Variants in PRLHR observed in about 807,000 individuals in gnomAD.
PRLHR encodes the protein prolactin-releasing peptide receptor.
A neutral mutation model predicts 9.3 loss-of-function variants in PRLHR; 10 were observed. The ratio of observed to expected loss-of-function variants is 1.08; its 90% confidence interval spans 0.66 to 1.82. The LOEUF is 1.82. Among genes scored for constraint, PRLHR ranks in the 40% most tolerant of loss-of-function variants. The pLI is 0.00. For synonymous variants in PRLHR, 261 were observed against 249.3 expected (o/e 1.05, Z -0.44); for missense variants, 589 against 512.0 (o/e 1.15, Z -1.45).
chr10:118,594,725 G>T lies in PRLHR; in HGVS notation c.520C>A (p.Arg174Ser), dbSNP rs1443815553. The T allele has an allele frequency of 3.1e-6, 5 of 1,603,334 alleles. No homozygotes were observed. In the African/African-American group the frequency reaches 4.0e-5, roughly 13 times the overall value. The change falls in exon 2 of 2, where the codon CGC (arginine) becomes AGC (serine). Residue 174 changes from arginine to serine, a missense_variant. Transcript: ENST00000239032. ...GCCAGCACAGCGTAGGCGCTGAGGCGCAGCGAGATGCGCCGCCTCAGCGGG... is the reference window on the plus strand; with the variant it reads ...GCCAGCACAGCGTAGGCGCTGAGGCTCAGCGAGATGCGCCGCCTCAGCGGG... ...VHPLRRRISLRLSAYAVLAIW... is the reference protein window; with the variant it reads ...VHPLRRRISLSLSAYAVLAIW...
Position 118,593,506 on chromosome 10 carries a change from A to T in PRLHR, c.*626T>A, listed in dbSNP as rs1844450918. 1 of 152,230 alleles carries T rather than the reference A, an allele frequency of 6.6e-6. No individual in the cohort carries two copies. The highest frequency in any genetic ancestry group is 1.5e-5 in the Non-Finnish European group (1 of 68,046). The allele number at this position is 152,230 out of a possible 1,614,324, so 9.4% of individuals were successfully genotyped here. Reference sequence around the variant, plus strand: ...GGAGAAACAATAGCAAGACCTTTCTAAAGGGAGCTTGTAGGTGTTTTTGTA... The same window carrying T: ...GGAGAAACAATAGCAAGACCTTTCTTAAGGGAGCTTGTAGGTGTTTTTGTA... On this transcript the variant is annotated 3_prime_UTR_variant, in exon 2 of 2. Coordinates refer to ENST00000239032, the MANE Select transcript of PRLHR (RefSeq NM_004248.3).
rs1349563344 is a variant in PRLHR at position 118,593,969 on chromosome 10, A to C, written c.*163T>G. The C allele has an allele frequency of 4.9e-5, 58 of 1,188,724 alleles. No homozygotes were observed. In the Admixed American group the frequency reaches 2.0e-3, roughly 41 times the overall value. The allele number at this position is 1,188,724 out of a possible 1,614,324, so 73.6% of individuals were successfully genotyped here. On this transcript the variant is annotated 3_prime_UTR_variant, in exon 2 of 2. Coordinates refer to ENST00000239032, the MANE Select transcript of PRLHR (RefSeq NM_004248.3). Reference sequence around the variant, plus strand: ...CCCGCTTAACATTTTACAAACACACAAGGACAAGACAGACAGCCGGACAAG... The same window carrying C: ...CCCGCTTAACATTTTACAAACACACCAGGACAAGACAGACAGCCGGACAAG...
rs1399440697 is a variant in PRLHR, at chr10:118,595,382, A to C, written c.-6-132T>G. The C allele has an allele frequency of 8.7e-6, 7 of 800,278 alleles. No individual in the cohort carries two copies. In the African/African-American group the frequency reaches 1.2e-4, roughly 14 times the overall value. The allele number at this position is 800,278 out of a possible 1,614,324, so 49.6% of individuals were successfully genotyped here. A position where few individuals can be genotyped will look rare whatever the true frequency, so the allele number is the denominator to read the frequency against. ...CCGGCCACAGAACAACAGCAAAAGTAGCAAAAAGTGTTGTCCTCTCACCTC... is the reference window on the plus strand; with the variant it reads ...CCGGCCACAGAACAACAGCAAAAGTCGCAAAAAGTGTTGTCCTCTCACCTC... On this transcript the variant is annotated intron_variant, in intron 1 of 1. Transcript: ENST00000239032.
In PRLHR at chr10:118,594,040, G is replaced by A. The variant is rs1844455643; in HGVS notation, c.*92C>T. Reference sequence around the variant, plus strand: ...GCCCTATGTTGGCTTAGCTAGCTCTGGTGCTGAGAATAAGCACCAGATTGA... The same window carrying A: ...GCCCTATGTTGGCTTAGCTAGCTCTAGTGCTGAGAATAAGCACCAGATTGA... On this transcript the variant is annotated 3_prime_UTR_variant, in exon 2 of 2. Transcript: ENST00000239032. 2.7e-6 allele frequency: 4 copies of A among 1,479,408 alleles called. No individual in the cohort carries two copies. Among genetic ancestry groups the A allele is most frequent in the Admixed American group, 4.7e-5 (2 of 42,512 alleles). The allele number at this position is 1,479,408 out of a possible 1,614,324, so 91.6% of individuals were successfully genotyped here.
chr10:118,593,318 A>C lies in PRLHR; in HGVS notation c.*814T>G, dbSNP rs986996767. ...TGTGGCAAACACTGAATGTGTACCC[A>C]CACATACACACACATACACAAACAC... On this transcript the variant is annotated 3_prime_UTR_variant, in exon 2 of 2. Transcript: ENST00000239032. The C allele has an allele frequency of 6.6e-6, 1 of 152,244 alleles. No homozygotes were observed. Among genetic ancestry groups the C allele is most frequent in the African/African-American group, 2.4e-5 (1 of 41,456 alleles). The allele number at this position is 152,244 out of a possible 1,614,324, so 9.4% of individuals were successfully genotyped here. A position where few individuals can be genotyped will look rare whatever the true frequency, so the allele number is the denominator to read the frequency against.
rs1415947277 is a variant in PRLHR at position 118,591,179 on chromosome 10, A to G, written c.*2953T>C. On this transcript the variant is annotated 3_prime_UTR_variant, in exon 2 of 2. Coordinates refer to ENST00000239032, the MANE Select transcript of PRLHR (RefSeq NM_004248.3). ...GAGTGCAGTGGTGTAATGATAGCTC[A>G]CTGCAGCCCAGTGATCCTCCCAGGC... 2 of 152,092 alleles carry G rather than the reference A, an allele frequency of 1.3e-5. No individual in the cohort carries two copies. The highest frequency in any genetic ancestry group is 3.9e-4 in the East Asian group (2 of 5,192). 9.4% of individuals were successfully genotyped at this position (152,092 alleles called of 1,614,324 possible).
rs1844420963 is a variant in PRLHR, at chr10:118,590,229, G to A, written c.*3903C>T. 2 of 152,184 alleles carry A rather than the reference G, an allele frequency of 1.3e-5. No individual in the cohort carries two copies. The highest frequency in any genetic ancestry group is 6.5e-5 in the Admixed American group (1 of 15,280). The allele number at this position is 152,184 out of a possible 1,614,324, so 9.4% of individuals were successfully genotyped here. A position where few individuals can be genotyped will look rare whatever the true frequency, so the allele number is the denominator to read the frequency against. Reference sequence around the variant, plus strand: ...CTCCCAGATCTAGCCACACTCTTGAGGTTAGTTTTGTGCCTTGCATTTGAA... The same window carrying A: ...CTCCCAGATCTAGCCACACTCTTGAAGTTAGTTTTGTGCCTTGCATTTGAA... On this transcript the variant is annotated 3_prime_UTR_variant, in exon 2 of 2. Transcript: ENST00000239032.
chr10:118,593,967 A>C lies in PRLHR; in HGVS notation c.*165T>G, dbSNP rs1456567945. ...AGCCCGCTTAACATTTTACAAACACACAAGGACAAGACAGACAGCCGGACA... is the reference window on the plus strand; with the variant it reads ...AGCCCGCTTAACATTTTACAAACACCCAAGGACAAGACAGACAGCCGGACA... On this transcript the variant is annotated 3_prime_UTR_variant, in exon 2 of 2. Coordinates refer to ENST00000239032, the MANE Select transcript of PRLHR (RefSeq NM_004248.3). 8.5e-7 allele frequency: 1 copy of C among 1,181,172 alleles called. No individual in the cohort carries two copies. The highest frequency in any genetic ancestry group is 1.1e-6 in the Non-Finnish European group (1 of 913,590). 73.2% of individuals were successfully genotyped at this position (1,181,172 alleles called of 1,614,324 possible). A position where few individuals can be genotyped will look rare whatever the true frequency, so the allele number is the denominator to read the frequency against.
rs117647802 is a variant in PRLHR, at chr10:118,592,363, A to G, written c.*1769T>C. ...GTAATATAGCTGCTGGAAGCACAGG[A>G]GCCAGTCCTCGGGATGCCTGGGAGA... On this transcript the variant is annotated 3_prime_UTR_variant, in exon 2 of 2. Coordinates refer to ENST00000239032, the MANE Select transcript of PRLHR (RefSeq NM_004248.3). 6,170 of 152,356 alleles carry G rather than the reference A, an allele frequency of 0.04. 170 individuals carry two copies. The highest frequency in any genetic ancestry group is 0.064 in the South Asian group (308 of 4,830). 9.4% of individuals were successfully genotyped at this position (152,356 alleles called of 1,614,324 possible).
rs1374735129 is a variant in PRLHR, at chr10:118,594,843, G to A, written c.402C>T (p.Cys134=). 6.2e-7 allele frequency: 1 copy of A among 1,613,022 alleles called. No individual in the cohort carries two copies. The highest frequency in any genetic ancestry group is 8.5e-7 in the Non-Finnish European group (1 of 1,179,852). Residue 134 remains cysteine (C), a synonymous_variant, in exon 2 of 2, where the codon TGC becomes TGT. Coordinates refer to ENST00000239032, the MANE Select transcript of PRLHR (RefSeq NM_004248.3). The part of the protein sequence containing the change: ...PRGWVFGGGL[C]HLVFFLQPVT... ...CCGGCTGCAGGAAGAAGACCAGGTGGCACAGGCCGCCGCCGAACACCCAGC... is the reference window on the plus strand; with the variant it reads ...CCGGCTGCAGGAAGAAGACCAGGTGACACAGGCCGCCGCCGAACACCCAGC...
At position 118,594,537 on chromosome 10, in the gene PRLHR, G is replaced by C; in HGVS notation, c.708C>G (p.Leu236=). 1 of 1,571,290 alleles carries C rather than the reference G, an allele frequency of 6.4e-7. No individual in the cohort carries two copies. The highest frequency in any genetic ancestry group is 8.6e-7 in the Non-Finnish European group (1 of 1,158,808). ...AWGLLLVTYL[L]PLLVILLSYV... ...AAGACAGGAGGATGACCAGCAGAGGGAGCAGGTAGGTGACCAGCAGCAGCC... is the reference window on the plus strand; with the variant it reads ...AAGACAGGAGGATGACCAGCAGAGGCAGCAGGTAGGTGACCAGCAGCAGCC... Residue 236 remains leucine, a synonymous_variant, in exon 2 of 2, where the codon CTC becomes CTG. Transcript: ENST00000239032.
At position 118,595,350 on chromosome 10, in the gene PRLHR, G is replaced by A. The variant is rs899840829; in HGVS notation, c.-6-100C>T. On this transcript the variant is annotated intron_variant, in intron 1 of 1. Transcript: ENST00000239032. ...CCCCCATCGCCTGAGTCCTCCCTTG[G>A]GAATAACCGGCCACAGAACAACAGC... is the stretch of plus-strand genomic sequence containing the variant. 7.0e-6 allele frequency: 8 copies of A among 1,142,732 alleles called. No homozygotes were observed. The African/African-American group carries it at 7.8e-5, about 11-fold the overall frequency. 70.8% of individuals were successfully genotyped at this position (1,142,732 alleles called of 1,614,324 possible).
In PRLHR at chr10:118,591,261, C is replaced by A. The variant is rs867025039; in HGVS notation, c.*2871G>T. ...TAGCTGGGACCACAGGTGTGCACCA[C>A]CACGTCCGGCTATTTTTTGTAGAGA... On this transcript the variant is annotated 3_prime_UTR_variant, in exon 2 of 2. Coordinates refer to ENST00000239032, the MANE Select transcript of PRLHR (RefSeq NM_004248.3). 3 of 152,138 alleles carry A rather than the reference C, an allele frequency of 2.0e-5. No individual in the cohort carries two copies. Among genetic ancestry groups the A allele is most frequent in the South Asian group, 2.1e-4 (1 of 4,814 alleles). 9.4% of individuals were successfully genotyped at this position (152,138 alleles called of 1,614,324 possible).
rs775775999 is a variant in PRLHR at position 118,594,239 on chromosome 10, C to T, written c.1006G>A (p.Ala336Thr). The stretch of plus-strand genomic sequence containing the variant: ...TCGCGGAAGCTGTCGTGCAGCCAGG[C>T]GTAGATGAAGGGGTTGTAGCAGGCC... ...SSACYNPFIYAWLHDSFREEL... is the reference protein window; with the variant it reads ...SSACYNPFIYTWLHDSFREEL... The change falls in exon 2 of 2, where the codon GCC becomes ACC. Residue 336 changes from alanine (A) to threonine (T), a missense_variant. Transcript: ENST00000239032. 21 of 1,601,308 alleles carry T rather than the reference C, an allele frequency of 1.3e-5. No individual in the cohort carries two copies. In the South Asian group the frequency reaches 2.0e-4, roughly 16 times the overall value.
rs1191595394 is a variant in PRLHR at position 118,594,386 on chromosome 10, A to C, written c.859T>G (p.Phe287Val). ...TGCAGCGGCAGCCAGCAGACGGCGA[A>C]CACCACCACGATCACCACCAGCAAG... is the stretch of plus-strand genomic sequence containing the variant. ...FCLLVVIVVV[F>V]AVCWLPLHVF... Residue 287 changes from phenylalanine to valine, a missense_variant, in exon 2 of 2, where the codon TTC becomes GTC. By Grantham distance (50) the Phe-to-Val change is conservative (BLOSUM62 -1). Transcript: ENST00000239032. 1.3e-6 allele frequency: 2 copies of C among 1,599,916 alleles called. No homozygotes were observed. Among genetic ancestry groups the C allele is most frequent in the Non-Finnish European group, 1.7e-6 (2 of 1,179,634 alleles).
At position 118,594,516 on chromosome 10, in the gene PRLHR, C is replaced by G. The variant is rs1440445895; in HGVS notation, c.729G>C (p.Leu243=). Residue 243 remains leucine, a synonymous_variant, in exon 2 of 2, where the codon CTG becomes CTC. Coordinates refer to ENST00000239032, the MANE Select transcript of PRLHR (RefSeq NM_004248.3). ...TYLLPLLVIL[L]SYVRVSVKLR... is the part of the protein sequence containing the mutation. ...GCTTCACTGACACCCGGACGTAAGA[C>G]AGGAGGATGACCAGCAGAGGGAGCA... The G allele has an allele frequency of 2.5e-6, 4 of 1,587,324 alleles. No individual in the cohort carries two copies. The highest frequency in any genetic ancestry group is 1.7e-4 in the Middle Eastern group (1 of 6,024).
chr10:118,594,107 T>C lies in PRLHR; in HGVS notation c.*25A>G. The C allele has an allele frequency of 6.6e-7, 1 of 1,510,494 alleles. No individual in the cohort carries two copies. The highest frequency in any genetic ancestry group is 8.9e-7 in the Non-Finnish European group (1 of 1,128,840). 93.6% of individuals were successfully genotyped at this position (1,510,494 alleles called of 1,614,324 possible). Reference sequence around the variant, plus strand: ...AGGAGGCCAGTTGAAGTGGAGCTCCTTGACCAAGGCCTGGCTAAGTGGCAT... The same window carrying C: ...AGGAGGCCAGTTGAAGTGGAGCTCCCTGACCAAGGCCTGGCTAAGTGGCAT... On this transcript the variant is annotated 3_prime_UTR_variant, in exon 2 of 2. Coordinates refer to ENST00000239032, the MANE Select transcript of PRLHR (RefSeq NM_004248.3).
rs1844429282 is a variant in PRLHR, at chr10:118,591,161, GTGGTGTAA to G, written c.*2963_*2970del. On this transcript the variant is annotated 3_prime_UTR_variant, in exon 2 of 2. Coordinates refer to ENST00000239032, the MANE Select transcript of PRLHR (RefSeq NM_004248.3). ...GCTCTGTCACTGAGACTGGAGTGCA[GTGGTGTAA>G]TGATAGCTCACTGCAGCCCAGTGAT... 2 of 152,136 alleles carry G rather than the reference GTGGTGTAA, an allele frequency of 1.3e-5. No individual in the cohort carries two copies. Among genetic ancestry groups the G allele is most frequent in the Admixed American group, 1.3e-4 (2 of 15,280 alleles). 9.4% of individuals were successfully genotyped at this position (152,136 alleles called of 1,614,324 possible).
rs1298478956 is a variant in PRLHR, at chr10:118,592,239, T to C, written c.*1893A>G. ...ACGATGAATCAGATCCCTCCCCAAA[T>C]AATCCCTCTCCTTCCCCTCTACCAT... is the stretch of plus-strand genomic sequence containing the variant. On this transcript the variant is annotated 3_prime_UTR_variant, in exon 2 of 2. Transcript: ENST00000239032. 1.3e-5 allele frequency: 2 copies of C among 151,908 alleles called. No individual in the cohort carries two copies. Among genetic ancestry groups the C allele is most frequent in the East Asian group, 3.9e-4 (2 of 5,174 alleles). 9.4% of individuals were successfully genotyped at this position (151,908 alleles called of 1,614,324 possible). A position where few individuals can be genotyped will look rare whatever the true frequency, so the allele number is the denominator to read the frequency against.
Sources: allele counts gnomAD v4.1 joint callset, GRCh38; gene constraint gnomAD v4.1.1; transcripts MANE v1.5; gene names NCBI Gene and HGNC (gene_info 2026-07-23, HGNC 2026-07-21).